CNTN4: variants seen among roughly 807,000 people sequenced by gnomAD.
The protein encoded by CNTN4 is contactin-4.
CNTN4 carries 77 observed loss-of-function variants against 122.5 expected under a neutral mutation model. The ratio of observed to expected loss-of-function variants is 0.63; its 90% CI spans 0.52 to 0.76. The LOEUF is 0.76. Among genes scored for constraint, CNTN4 ranks in the 30% least tolerant of loss-of-function variants. The pLI is 0.00. For missense variants in CNTN4, 1,256 were observed against 1,259.1 expected, an observed-to-expected ratio of 1.00 and a Z score of 0.04; for synonymous variants, 512 against 447.0, an observed-to-expected ratio of 1.15 and a Z score of -1.83.
chr3:2,468,577 A>C (rs543956831), intron 3 of CNTN4, among the ~76,000 whole-genome samples: 1 of 152,314 alleles, frequency 6.6e-6, no homozygotes, highest in East Asian at 1.9e-4. Context: ...GTTAGGCTGC[A>C]GAATACCTAC....
chr3:3,013,477 A>T (rs550246346), intron 14 of CNTN4, among the ~76,000 whole-genome samples: 1 of 152,236 alleles, frequency 6.6e-6, no homozygotes, highest in East Asian at 1.9e-4. Context: ...CAGTGAACGG[A>T]GTCCTGCTTA....
intron 3 of CNTN4, among the ~76,000 whole-genome samples, chr3:2,467,204 A>T (rs573386339): frequency 5.3e-5 from 8 of 151,564 alleles, no homozygotes; most frequent in African/African-American, 1.9e-4. Flanking sequence ...AAGGGTATGA[A>T]TATTGATGAG....
At chr3:2,951,844 T>C (rs1577381048) in intron 13 of CNTN4, among the ~76,000 whole-genome samples, 1 of 152,220 alleles carries the variant, frequency 6.6e-6, no homozygotes, top group East Asian at 1.9e-4. Context: ...AAAAGAAGTT[T>C]TGTTTTGGAT....
At chr3:2,948,185 A>G (rs951780625) in intron 13 of CNTN4, among the ~76,000 whole-genome samples, 15 of 152,228 alleles carry the variant, frequency 9.9e-5, no homozygotes, top group African/African-American at 3.4e-4. Flanking sequence ...GTTCTGACCT[A>G]GAAACTCTAG....
intron 11 of CNTN4, 104 bp downstream of exon 11, chr3:2,900,925 T>A (rs946582107): frequency 7.0e-7 from 1 of 1,419,558 alleles, no homozygotes. Flanking sequence ...TAAAATAATA[T>A]GCAATGAAAC....
At chr3:3,031,617 A>T (rs1699173482) in intron 16 of CNTN4, among the ~76,000 whole-genome samples, 1 of 152,148 alleles carries the variant, frequency 6.6e-6, no homozygotes. Flanking sequence ...AACTGAGTAC[A>T]TTCCAAGCCT....
chr3:2,853,553 AT>A (rs200558270), intron 7 of CNTN4, among the ~76,000 whole-genome samples: 1 of 151,710 alleles, frequency 6.6e-6, no homozygotes, highest in Non-Finnish European at 1.5e-5. Context: ...TAATTTATTG[AT>A]TTTTTTTCAA....
chr3:2,566,570 T>A (rs1386425943), intron 3 of CNTN4, among the ~76,000 whole-genome samples: 1 of 152,214 alleles, frequency 6.6e-6, no homozygotes, highest in African/African-American at 2.4e-5. Flanking sequence ...ATACAAAGAT[T>A]CCTACCTTCA....
chr3:2,923,302 T>C (rs1363480546), intron 12 of CNTN4, among the ~76,000 whole-genome samples: 1 of 150,106 alleles, frequency 6.7e-6, no homozygotes, highest in African/African-American at 2.4e-5. Flanking sequence ...AAAAAAAAAC[T>C]TCAAGAATAC....
intron 3 of CNTN4, among the ~76,000 whole-genome samples, chr3:2,435,872 A>G (rs979338464): frequency 6.6e-6 from 1 of 152,172 alleles, no homozygotes; most frequent in Non-Finnish European, 1.5e-5. Context: ...GTGGAGCACT[A>G]CTATGATTTC....
intron 3 of CNTN4, among the ~76,000 whole-genome samples, chr3:2,425,909 A>G (rs975871133): frequency 3.3e-5 from 5 of 152,158 alleles, no homozygotes; most frequent in African/African-American, 1.2e-4. Context: ...ATTTTTGCAC[A>G]TTGATTTTGT....
At chr3:2,817,581 T>C (rs375395158) in intron 6 of CNTN4, among the ~76,000 whole-genome samples, 8 of 152,336 alleles carry the variant, frequency 5.3e-5, no homozygotes, top group African/African-American at 1.2e-4. Context: ...TCAGGAAGGA[T>C]AGTTAAAAAT....
chr3:2,745,431 C>T, intron 5 of CNTN4, 91 bp from the exon 6 acceptor site: 2 of 1,075,180 alleles, frequency 1.9e-6, no homozygotes, highest in Non-Finnish European at 2.8e-6. Context: ...AATGATTTTT[C>T]ATGCTATTTA....
chr3:2,812,051 C>T (rs1343620007), intron 6 of CNTN4, among the ~76,000 whole-genome samples: 1 of 152,144 alleles, frequency 6.6e-6, no homozygotes, highest in African/African-American at 2.4e-5. Flanking sequence ...CACATGTCCT[C>T]ACTTACAAGT....
At chr3:2,796,883 T>C (rs955147520) in intron 6 of CNTN4, among the ~76,000 whole-genome samples, 2 of 152,198 alleles carry the variant, frequency 1.3e-5, no homozygotes, top group Non-Finnish European at 2.9e-5. Context: ...AAAACCCAGA[T>C]ACTATAATGT....
chr3:2,359,546 T>C (rs1308190846), intron 3 of CNTN4, among the ~76,000 whole-genome samples: 1 of 152,136 alleles, frequency 6.6e-6, no homozygotes, highest in East Asian at 1.9e-4. Context: ...GATTTTGTTT[T>C]GTTTTGTTTT....
chr3:2,646,067 G>A (rs1323216974), intron 4 of CNTN4, among the ~76,000 whole-genome samples: 1 of 152,040 alleles, frequency 6.6e-6, no homozygotes, highest in Non-Finnish European at 1.5e-5. Context: ...TCTGATATTG[G>A]GAAACCGATT....
At chr3:2,234,595 A>T (rs1196056926) in intron 2 of CNTN4, among the ~76,000 whole-genome samples, 1 of 152,106 alleles carries the variant, frequency 6.6e-6, no homozygotes, top group Non-Finnish European at 1.5e-5. Flanking sequence ...AACTAGCAGG[A>T]TTGGGTACAA....
At chr3:2,785,114 T>TACACACACACAC in intron 6 of CNTN4, among the ~76,000 whole-genome samples, 1 of 138,930 alleles carries the variant, frequency 7.2e-6, no homozygotes, top group East Asian at 2.1e-4. Flanking sequence ...TGTACATGCG[T>TACACACACACAC]ACACACACAC....
Sources: allele counts gnomAD v4.1 joint callset (sites outside exome capture counted in the v4.1 genomes callset), GRCh38; gene constraint gnomAD v4.1.1; transcripts MANE v1.5; gene names NCBI Gene and HGNC (gene_info 2026-07-23, HGNC 2026-07-21).